The following RGS7 variants were observed in gnomAD, a reference collection of about 807,000 sequenced individuals.
RGS7 encodes regulator of G-protein signaling 7.
In RGS7, 27 loss-of-function variants were observed where a neutral mutation model predicts 81.1. The ratio of observed to expected loss-of-function variants is 0.33; its 90% CI spans 0.25 to 0.46. The LOEUF (loss-of-function observed/expected upper bound fraction) is 0.46. Ranked by LOEUF, RGS7 falls within the 20% of genes least tolerant of loss-of-function variation. RGS7 has a pLI of 1.00. For synonymous variants in RGS7, 208 were observed against 207.7 expected (o/e 1.00, Z -0.01); for missense variants, 396 against 607.4 (o/e 0.65, Z 3.66).
At chr1:241,293,038 C>A (rs536504956) in intron 2 of RGS7, among the ~76,000 whole-genome samples, 87 of 152,310 alleles carry the variant, frequency 5.7e-4, no homozygotes, top group Non-Finnish European at 1.2e-3. Context: ...ATCAACTTTA[C>A]AAAACTTTGC....
intron 2 of RGS7, among the ~76,000 whole-genome samples, chr1:241,183,394 C>G (rs1395754685): frequency 6.6e-6 from 1 of 152,204 alleles, no homozygotes; most frequent in Non-Finnish European, 1.5e-5. Flanking sequence ...TAGAACCTTT[C>G]TGGCCTGGCC....
intron 3 of RGS7, among the ~76,000 whole-genome samples, chr1:241,001,433 C>A (rs1485132826): frequency 6.6e-6 from 1 of 151,964 alleles, no homozygotes; most frequent in Non-Finnish European, 1.5e-5. Flanking sequence ...AATAGTAAGG[C>A]TTTCTAATTA....
At chr1:240,795,352 A>G (rs1425716959) in intron 18 of RGS7, among the ~76,000 whole-genome samples, 1 of 152,354 alleles carries the variant, frequency 6.6e-6, no homozygotes, top group African/African-American at 2.4e-5. Flanking sequence ...CTGAAGACTA[A>G]TTGGTGGTGG....
chr1:240,775,840 A>C lies in RGS7; in HGVS notation c.*380T>G. 3.4e-6 allele frequency: 1 copy of C among 290,220 alleles called. No homozygotes were observed. Among genetic ancestry groups the C allele is most frequent in the Non-Finnish European group, 6.6e-6 (1 of 150,496 alleles). 18.0% of individuals were successfully genotyped at this position (290,220 alleles called of 1,614,324 possible). A position where few individuals can be genotyped will look rare whatever the true frequency, so the allele number is the denominator to read the frequency against. On this transcript the variant is annotated 3_prime_UTR_variant, in exon 19 of 19. Transcript: ENST00000440928. ...TTTTGACTGACTGAATTTTCAGTGA[A>C]CTGTGTGTCTAACTGAAGCTTTGAG...
At chr1:241,150,450 C>A (rs1338926701) in intron 2 of RGS7, among the ~76,000 whole-genome samples, 1 of 152,096 alleles carries the variant, frequency 6.6e-6, no homozygotes, top group Non-Finnish European at 1.5e-5. Context: ...GACTCTGAGT[C>A]CCTCAGTCAT....
At chr1:240,982,039 G>T (rs762008390) in intron 4 of RGS7, among the ~76,000 whole-genome samples, 5 of 152,094 alleles carry the variant, frequency 3.3e-5, no homozygotes, top group African/African-American at 7.2e-5. Context: ...TGTTTTCTCA[G>T]AATCTTCTCT....
chr1:241,041,580 G>C (rs980932202), intron 3 of RGS7, among the ~76,000 whole-genome samples: 3 of 152,104 alleles, frequency 2.0e-5, no homozygotes, highest in African/African-American at 7.2e-5. Flanking sequence ...TAGTGGCAAA[G>C]GTGCCCCCAT....
At chr1:241,046,553 T>G (rs1211831796) in intron 3 of RGS7, among the ~76,000 whole-genome samples, 1 of 152,218 alleles carries the variant, frequency 6.6e-6, no homozygotes, top group African/African-American at 2.4e-5. Flanking sequence ...GAAAAAGAAC[T>G]GCAAGTGGGT....
chr1:241,038,487 G>T (rs1348059425), intron 3 of RGS7, among the ~76,000 whole-genome samples: 1 of 152,188 alleles, frequency 6.6e-6, no homozygotes, highest in Admixed American at 6.5e-5. Flanking sequence ...AATGAAAGCA[G>T]ATTTGACAAG....
rs12757054 is a variant in RGS7, at chr1:240,776,091, C to T, written c.*129G>A. 83,350 of 1,150,318 alleles carry T rather than the reference C, an allele frequency of 0.072. 3,479 individuals carry two copies. The highest frequency in any genetic ancestry group is 0.092 in the South Asian group (7,474 of 81,666). 71.3% of individuals were successfully genotyped at this position (1,150,318 alleles called of 1,614,324 possible). A position where few individuals can be genotyped will look rare whatever the true frequency, so the allele number is the denominator to read the frequency against. Reference sequence around the variant, plus strand: ...ACATCTTGTTCTAATGTCCTCTGCTCCAGGTCACAACATTGAGCTACAAAG... The same window carrying T: ...ACATCTTGTTCTAATGTCCTCTGCTTCAGGTCACAACATTGAGCTACAAAG... On this transcript the variant is annotated 3_prime_UTR_variant, in exon 19 of 19. Transcript: ENST00000440928.
chr1:240,853,397 A>C (rs1453825557), intron 9 of RGS7, among the ~76,000 whole-genome samples: 1 of 152,216 alleles, frequency 6.6e-6, no homozygotes, highest in Non-Finnish European at 1.5e-5. Flanking sequence ...TCTCAACGAC[A>C]GCGTAAGATA....
intron 3 of RGS7, among the ~76,000 whole-genome samples, chr1:241,035,578 T>C (rs2060282815): frequency 6.6e-6 from 1 of 152,292 alleles, no homozygotes; most frequent in East Asian, 1.9e-4. Context: ...CTAAAATTTA[T>C]GGCCAAATCA....
rs1348116794 is a variant in RGS7, at chr1:241,164,814, C to T, written c.79-66052G>A. On this transcript the variant is annotated intron_variant, in intron 2 of 18. Transcript: ENST00000440928. This position sits in a 1 kb window ranked among gnomAD's most constrained non-coding sequence, Gnocchi z 4.1. The stretch of plus-strand genomic sequence containing the variant: ...ACTTCAGATCAATACATTCTAATAC[C>T]GAGGCAACTTTTTTCTCAGTAATCT... Among the ~76,000 whole-genome samples, 1 of 151,732 alleles carries T rather than the reference C, an allele frequency of 6.6e-6. No homozygotes were observed. The highest frequency in any genetic ancestry group is 2.1e-4 in the South Asian group (1 of 4,826).
chr1:241,154,526 G>A (rs2068975031), intron 2 of RGS7, among the ~76,000 whole-genome samples: 1 of 152,218 alleles, frequency 6.6e-6, no homozygotes, highest in East Asian at 1.9e-4. Context: ...TGAAAGCCAG[G>A]ACTGTGCCCA....
chr1:241,256,895 A>G (rs530941534), intron 2 of RGS7, among the ~76,000 whole-genome samples: 74 of 151,098 alleles, frequency 4.9e-4, no homozygotes, highest in African/African-American at 1.8e-3. Context: ...GTAGGCCAAG[A>G]CCCCAGTTAT....
chr1:240,933,050 T>C (rs534880514), intron 5 of RGS7, among the ~76,000 whole-genome samples: 237 of 129,554 alleles, frequency 1.8e-3, no homozygotes, highest in African/African-American at 7.0e-3. Context: ...GCCCGGCTAA[T>C]TTTTTGTATT....
At chr1:241,000,603 A>G (rs1385872592) in intron 3 of RGS7, among the ~76,000 whole-genome samples, 1 of 152,022 alleles carries the variant, frequency 6.6e-6, no homozygotes, top group African/African-American at 2.4e-5. Context: ...GTTAGCCACT[A>G]GCCATATGTA....
intron 3 of RGS7, among the ~76,000 whole-genome samples, chr1:241,065,486 TA>T (rs1026636137): frequency 1.3e-5 from 2 of 152,110 alleles, no homozygotes; most frequent in African/African-American, 4.8e-5. Context: ...CCTTATGTTG[TA>T]GGAAACACCT....
intron 9 of RGS7, among the ~76,000 whole-genome samples, chr1:240,857,393 A>G (rs1661336931): frequency 6.6e-6 from 1 of 152,200 alleles, no homozygotes; most frequent in African/African-American, 2.4e-5. Flanking sequence ...CATTAATAGT[A>G]ATTAAAGTCC....
Sources: gnomAD v4.1 joint callset for allele counts (sites outside exome capture counted in the v4.1 genomes callset) on GRCh38, gnomAD v4.1.1 for gene constraint, Gnocchi (gnomAD v3.1) non-coding constraint, MANE v1.5 for transcripts, NCBI Gene and HGNC (gene_info 2026-07-23, HGNC 2026-07-21) for gene names.